Variants in CDON observed in about 807,000 individuals in gnomAD.
The protein encoded by CDON is cell adhesion associated, oncogene regulated.
A neutral mutation model predicts 120.9 loss-of-function variants in CDON; 73 were observed. The ratio of observed to expected loss-of-function variants is 0.60; its 90% CI spans 0.50 to 0.73. The LOEUF is 0.73. Ranked by LOEUF, CDON falls within the 30% of genes least tolerant of loss-of-function variation. The pLI, the probability that CDON is intolerant of heterozygous loss-of-function variation, is 0.00. For synonymous variants in CDON, 566 were observed against 573.5 expected (o/e 0.99, Z 0.19); for missense variants, 1,470 against 1,587.3 (o/e 0.93, Z 1.26).
chr11:126,010,250 G>A (rs770820523), intron 8 of CDON, 91 bp downstream of exon 8: 9 of 909,238 alleles, frequency 9.9e-6, no homozygotes, highest in Non-Finnish European at 1.5e-5. Context: ...AGAGATTGCT[G>A]GATTCATTAA....
intron 18 of CDON, among the ~76,000 whole-genome samples, chr11:125,976,057 A>G (rs11220296): frequency 0.37 from 56,629 of 152,088 alleles, 10,656 homozygotes; most frequent in Admixed American, 0.43. Flanking sequence ...TCGATATTCT[A>G]AAAGCATAAA....
At position 125,981,262 on chromosome 11, in the gene CDON, AGTG is replaced by A; in HGVS notation, c.3060_3062del (p.Thr1021del). 6.2e-7 allele frequency: 1 copy of A among 1,614,042 alleles called. No individual in the cohort carries two copies. Among genetic ancestry groups the A allele is most frequent in the Non-Finnish European group, 8.5e-7 (1 of 1,179,962 alleles). On this transcript the variant is annotated inframe_deletion, in exon 17 of 20. Transcript: ENST00000531738. The stretch of plus-strand genomic sequence containing the variant: ...CATTTATCTGACTTGCTCCTGAGAG[AGTG>A]GTGTAGTCCACCATCTGCCCGTTCA...
chr11:125,965,416 G>A (rs776633616), intron 18 of CDON, among the ~76,000 whole-genome samples: 1 of 152,158 alleles, frequency 6.6e-6, no homozygotes, highest in Non-Finnish European at 1.5e-5. Flanking sequence ...GGAAAGGTCC[G>A]AGTGGCCCTG....
intron 1 of CDON, among the ~76,000 whole-genome samples, chr11:126,030,293 AT>A (rs1454851416): frequency 3.9e-5 from 6 of 152,218 alleles, no homozygotes; most frequent in African/African-American, 1.2e-4. Flanking sequence ...TGCTGCCAGA[AT>A]AATCCTTTGG....
At chr11:125,961,479 T>C (rs945304194) in intron 19 of CDON, among the ~76,000 whole-genome samples, 2 of 152,208 alleles carry the variant, frequency 1.3e-5, no homozygotes, top group African/African-American at 4.8e-5. Context: ...TATTTCCAAA[T>C]AGATTTTCCA....
chr11:125,978,218 C>A, intron 18 of CDON, 86 bp downstream of exon 18: 1 of 798,740 alleles, frequency 1.3e-6, no homozygotes, highest in Non-Finnish European at 2.2e-6. Context: ...AGGTAAAATT[C>A]CAAGAACTTT....
At chr11:125,969,059 C>A (rs773827574) in intron 18 of CDON, among the ~76,000 whole-genome samples, 2 of 152,158 alleles carry the variant, frequency 1.3e-5, no homozygotes, top group Non-Finnish European at 2.9e-5. Context: ...AGTGCAATGG[C>A]GTGATCTCAG....
intron 3 of CDON, 145 bp downstream of exon 3, chr11:126,021,103 T>C (rs1947620947): frequency 1.0e-5 from 8 of 791,012 alleles, no homozygotes; most frequent in Admixed American, 2.2e-5. Flanking sequence ...ACTTCCACAA[T>C]ATACTCACAG....
intron 1 of CDON, among the ~76,000 whole-genome samples, chr11:126,040,683 C>T (rs1475880780): frequency 1.3e-5 from 2 of 151,182 alleles, no homozygotes; most frequent in East Asian, 2.0e-4. Flanking sequence ...GGCCTGGTGG[C>T]CGGCGCCTGT....
At chr11:126,019,885 G>A in intron 3 of CDON, 120 bp from the exon 4 acceptor site, 1 of 825,902 alleles carries the variant, frequency 1.2e-6, no homozygotes, top group Non-Finnish European at 2.0e-6. Context: ...GCTGACCCCA[G>A]TCCAGAGGGC....
chr11:126,023,351 G>T, intron 2 of CDON, 50 bp downstream of exon 2: 1 of 1,086,390 alleles, frequency 9.2e-7, no homozygotes, highest in Non-Finnish European at 1.4e-6. Context: ...TGTTTTATAG[G>T]ATTAAGATGA....
chr11:125,967,329 A>G (rs1037346118), intron 18 of CDON, among the ~76,000 whole-genome samples: 1 of 152,216 alleles, frequency 6.6e-6, no homozygotes, highest in Non-Finnish European at 1.5e-5. Context: ...GGACCTCAAA[A>G]ATGTTTTTTA....
chr11:126,038,276 TAG>T (rs906700750), intron 1 of CDON, among the ~76,000 whole-genome samples: 5 of 152,158 alleles, frequency 3.3e-5, no homozygotes, highest in African/African-American at 9.7e-5. Context: ...GAGGTATCTG[TAG>T]AATTCTGGAA....
intron 2 of CDON, among the ~76,000 whole-genome samples, chr11:126,022,471 T>G (rs368991864): frequency 6.6e-6 from 1 of 152,206 alleles, no homozygotes; most frequent in South Asian, 2.1e-4. Flanking sequence ...TCCAGGAACA[T>G]GGGAAGGCGA....
chr11:125,974,613 T>C (rs915820050), intron 18 of CDON, among the ~76,000 whole-genome samples: 1 of 152,142 alleles, frequency 6.6e-6, no homozygotes, highest in African/African-American at 2.4e-5. Context: ...TAATTAAATA[T>C]ATAAAAATAA....
At position 125,960,832 on chromosome 11, in the gene CDON, A is replaced by T. The variant is rs1945621300; in HGVS notation, c.*110T>A. 1 of 1,018,050 alleles carries T rather than the reference A, an allele frequency of 9.8e-7. No homozygotes were observed. 63.1% of individuals were successfully genotyped at this position (1,018,050 alleles called of 1,614,324 possible). On this transcript the variant is annotated 3_prime_UTR_variant, in exon 20 of 20. Transcript: ENST00000531738. ...TGACATTACTACTACAAAAAAATAA[A>T]TAATGATTTTCTCTGATTTGAATTA...
intron 15 of CDON, among the ~76,000 whole-genome samples, chr11:125,988,793 A>G (rs1328830424): frequency 6.6e-6 from 1 of 152,206 alleles, no homozygotes; most frequent in African/African-American, 2.4e-5. Context: ...ATTTAGAATC[A>G]GCAACTGCTA....
At chr11:125,989,273 C>T (rs1229283435) in intron 15 of CDON, among the ~76,000 whole-genome samples, 2 of 152,318 alleles carry the variant, frequency 1.3e-5, no homozygotes, top group East Asian at 3.9e-4. Context: ...CGGTGGCTCA[C>T]GCCTGTAATC....
chr11:125,989,567 CAGT>C, intron 15 of CDON, 67 bp downstream of exon 15: 2 of 1,425,264 alleles, frequency 1.4e-6, no homozygotes, highest in South Asian at 2.3e-5. Flanking sequence ...CAGAATATAT[CAGT>C]AGTCAGAAGC....
Sources: gnomAD v4.1 joint callset for allele counts (sites outside exome capture counted in the v4.1 genomes callset) on GRCh38, gnomAD v4.1.1 for gene constraint, MANE v1.5 for transcripts, NCBI Gene and HGNC (gene_info 2026-07-23, HGNC 2026-07-21) for gene names.